Variants in ADGRV1 observed in about 807,000 individuals in gnomAD.
ADGRV1 encodes the protein adhesion G protein-coupled receptor V1.
In ADGRV1, 359 loss-of-function variants were observed where a neutral mutation model predicts 596.2. The observed-to-expected ratio is 0.60, with a 90% confidence interval of 0.55 to 0.66. The LOEUF (loss-of-function observed/expected upper bound fraction) is 0.66, where lower values mean the gene tolerates loss of function less well. Among genes scored for constraint, ADGRV1 ranks in the 30% least tolerant of loss-of-function variants. ADGRV1 has a pLI of 0.00. For missense variants in ADGRV1, 7,274 were observed against 7,575.6 expected (o/e 0.96, Z 1.48); for synonymous variants, 2,681 against 2,679.2 (o/e 1.00, Z -0.02).
At chr5:90,927,598 T>G (rs1774645201) in intron 83 of ADGRV1, among the ~76,000 whole-genome samples, 1 of 152,190 alleles carries the variant, frequency 6.6e-6, no homozygotes, top group African/African-American at 2.4e-5. Flanking sequence ...TTTGCCAGTC[T>G]GTGCCTTTTA....
At chr5:90,922,408 G>A (rs1773963375) in intron 83 of ADGRV1, among the ~76,000 whole-genome samples, 2 of 152,040 alleles carry the variant, frequency 1.3e-5, no homozygotes, top group South Asian at 4.2e-4. Flanking sequence ...TTACAACGTG[G>A]CCTTAGGTTG....
chr5:90,731,101 T>A (rs1229145549), intron 50 of ADGRV1, among the ~76,000 whole-genome samples: 1 of 152,156 alleles, frequency 6.6e-6, no homozygotes, highest in African/African-American at 2.4e-5. Context: ...GAAAACTATC[T>A]GAAACTGGGT....
At chr5:90,759,796 C>T (rs1377848619) in intron 58 of ADGRV1, 14 of 505,572 alleles carry the variant, frequency 2.8e-5, no homozygotes, top group South Asian at 2.6e-4. Context: ...GAATTCCCGT[C>T]TCTACTGAAA....
intron 2 of ADGRV1, among the ~76,000 whole-genome samples, chr5:90,616,730 A>G (rs1033546593): frequency 1.3e-5 from 2 of 152,176 alleles, no homozygotes; most frequent in African/African-American, 4.8e-5. Flanking sequence ...CACTTCAAAC[A>G]TTAATCTTTT....
rs566946356 is a variant in ADGRV1 at position 91,159,191 on chromosome 5, GA to G, written c.18803-4588del. Among the ~76,000 whole-genome samples the G allele has an allele frequency of 1.2e-3, 183 of 152,184 alleles. 1 individual carries two copies. Among genetic ancestry groups the G allele is most frequent in the African/African-American group, 4.1e-3 (170 of 41,504 alleles). ...TTAATTATGTTAAGATTAACCATGA[GA>G]AAGACTATATCTCTAAGACAGAAAG... On this transcript the variant is annotated intron_variant, in intron 89 of 89. Transcript: ENST00000405460.
At chr5:90,575,706 A>T (rs1417361289) in intron 1 of ADGRV1, among the ~76,000 whole-genome samples, 3 of 152,118 alleles carry the variant, frequency 2.0e-5, no homozygotes, top group African/African-American at 7.2e-5. Context: ...TTTGACCATG[A>T]GAGGCAGACT....
At position 90,683,668 on chromosome 5, in the gene ADGRV1, C is replaced by T. The variant is rs35791889; in HGVS notation, c.5747C>T (p.Thr1916Ile). Residue 1916 changes from threonine to isoleucine, a missense_variant, in exon 28 of 90, where the codon ACC becomes ATC. Thr to Ile is a moderately conservative substitution (Grantham distance 89). Coordinates refer to ENST00000405460, the MANE Select transcript of ADGRV1 (RefSeq NM_032119.4). ...GATCCTGATGGTGATCTCGCCTTCA[C>T]CTCTGGCAACATCACATTTGAGATT... ...DSDPDGDLAF[T>I]SGNITFEIGQ... The T allele has an allele frequency of 2.0e-3, 3,153 of 1,613,762 alleles. 57 individuals are homozygous for T. The African/African-American group carries it at 0.037, about 19-fold the overall frequency.
In ADGRV1 at chr5:90,558,969, G is replaced by T; in HGVS notation, c.22+52G>T. Reference sequence around the variant, plus strand: ...GCGAGCATCGCTGAGCCCCAGGGGAGCGCCTCAGCATCAGCACCTGTTGCT... The same window carrying T: ...GCGAGCATCGCTGAGCCCCAGGGGATCGCCTCAGCATCAGCACCTGTTGCT... On this transcript the variant is annotated intron_variant, in intron 1 of 89. Coordinates refer to ENST00000405460, the MANE Select transcript of ADGRV1 (RefSeq NM_032119.4). The T allele has an allele frequency of 2.6e-6, 4 of 1,515,750 alleles. No homozygotes were observed. The East Asian group carries it at 1.0e-4, about 38-fold the overall frequency. The allele number at this position is 1,515,750 out of a possible 1,614,324, so 93.9% of individuals were successfully genotyped here.
intron 83 of ADGRV1, among the ~76,000 whole-genome samples, chr5:90,920,155 C>T (rs1408462718): frequency 6.6e-6 from 1 of 152,078 alleles, no homozygotes; most frequent in Non-Finnish European, 1.5e-5. Context: ...AGTTCTAAAT[C>T]AAAGTGCCAA....
chr5:90,973,891 A>C (rs1206386294), intron 84 of ADGRV1, among the ~76,000 whole-genome samples: 1 of 152,232 alleles, frequency 6.6e-6, no homozygotes, highest in Non-Finnish European at 1.5e-5. Context: ...GTATTCAATT[A>C]GGAAAAGAGG....
intron 1 of ADGRV1, among the ~76,000 whole-genome samples, chr5:90,565,798 C>T (rs1362078387): frequency 6.6e-6 from 1 of 152,058 alleles, no homozygotes; most frequent in African/African-American, 2.4e-5. Context: ...ATTGTATATG[C>T]CCACCAGCAA....
chr5:91,163,584 CA>C (rs2126975810), intron 89 of ADGRV1, among the ~76,000 whole-genome samples, 197 bp from the exon 90 acceptor site: 1 of 152,140 alleles, frequency 6.6e-6, no homozygotes, highest in East Asian at 1.9e-4. Context: ...TTAATCCGTA[CA>C]ATTTAAAAAA....
At chr5:90,980,655 T>C (rs1265818947) in intron 84 of ADGRV1, among the ~76,000 whole-genome samples, 1 of 152,182 alleles carries the variant, frequency 6.6e-6, no homozygotes, top group Non-Finnish European at 1.5e-5. Context: ...AGATAAACAG[T>C]GAACAGTAAG....
intron 74 of ADGRV1, among the ~76,000 whole-genome samples, chr5:90,813,167 T>TAAAAAAAAAA (rs1561786626): frequency 4.5e-4 from 47 of 104,256 alleles, no homozygotes; most frequent in Non-Finnish European, 6.7e-4. Flanking sequence ...AAAAAAAATT[T>TAAAAAAAAAA]ATTTGGCAGT....
chr5:90,994,099 C>T (rs1449809129), intron 85 of ADGRV1, among the ~76,000 whole-genome samples: 1 of 149,250 alleles, frequency 6.7e-6, no homozygotes, highest in African/African-American at 2.5e-5. Context: ...CTCTTGTCAT[C>T]CAGGCTGGAC....
chr5:91,041,126 C>G (rs139713245), intron 85 of ADGRV1, among the ~76,000 whole-genome samples: 1 of 152,138 alleles, frequency 6.6e-6, no homozygotes, highest in Non-Finnish European at 1.5e-5. Context: ...ACCCAGCAAT[C>G]CCATTATTGG....
chr5:91,003,696 A>G (rs1270173424), intron 85 of ADGRV1, among the ~76,000 whole-genome samples: 1 of 152,218 alleles, frequency 6.6e-6, no homozygotes, highest in East Asian at 1.9e-4. Flanking sequence ...TATTTCATGA[A>G]CAGAGGTACT....
intron 83 of ADGRV1, among the ~76,000 whole-genome samples, chr5:90,919,349 ATT>A (rs1773669601): frequency 6.6e-6 from 1 of 152,190 alleles, no homozygotes; most frequent in African/African-American, 2.4e-5. Flanking sequence ...GACAGATGGT[ATT>A]TAGATAGGAT....
chr5:90,823,178 T>C (rs567034521), intron 75 of ADGRV1, among the ~76,000 whole-genome samples: 1 of 152,358 alleles, frequency 6.6e-6, no homozygotes, highest in South Asian at 2.1e-4. Context: ...ATTAGGATAC[T>C]TATTCATTGT....
Sources: gnomAD v4.1 joint callset for allele counts (sites outside exome capture counted in the v4.1 genomes callset) on GRCh38, gnomAD v4.1.1 for gene constraint, MANE v1.5 for transcripts, NCBI Gene and HGNC (gene_info 2026-07-23, HGNC 2026-07-21) for gene names.